The following PTPRH variants were observed in gnomAD, a reference collection of about 807,000 sequenced individuals.
PTPRH encodes protein tyrosine phosphatase receptor type H.
Under a neutral mutation model 130.2 loss-of-function variants are expected in PTPRH, and 113 were observed. The ratio of observed to expected loss-of-function variants is 0.87; its 90% confidence interval spans 0.75 to 1.01. The LOEUF (loss-of-function observed/expected upper bound fraction) is 1.01. PTPRH is among the 50% of genes least tolerant of loss of function. The pLI is 0.00. For missense variants in PTPRH, 1,430 were observed against 1,425.0 expected (o/e 1.00, Z -0.06); for synonymous variants, 556 against 577.9 (o/e 0.96, Z 0.54).
intron 14 of PTPRH, among the ~76,000 whole-genome samples, chr19:55,187,017 C>G (rs924877038): frequency 2.7e-4 from 41 of 150,062 alleles, no homozygotes; most frequent in Non-Finnish European, 5.8e-4. Flanking sequence ...TTCACTCCAG[C>G]CTGGGTGACA....
At chr19:55,190,718 C>T (rs2086510483) in intron 12 of PTPRH, among the ~76,000 whole-genome samples, 1 of 149,346 alleles carries the variant, frequency 6.7e-6, no homozygotes, top group Non-Finnish European at 1.5e-5. Context: ...GCAACCTCTG[C>T]TCCCGGGTTC....
rs567803141 is a variant in PTPRH at position 55,204,188 on chromosome 19, C to T, written c.620-140G>A. ...AGGCTGGAGTGCAGTGGCACGATCT[C>T]GGCTCACCACAGCCTCCGCCGTCCG... On this transcript the variant is annotated intron_variant, in intron 4 of 19. Coordinates refer to ENST00000376350, the MANE Select transcript of PTPRH (RefSeq NM_002842.5). The T allele has an allele frequency of 9.5e-6, 9 of 948,340 alleles. No individual in the cohort carries two copies. In the African/African-American group the frequency reaches 9.9e-5, roughly 10 times the overall value. 58.7% of individuals were successfully genotyped at this position (948,340 alleles called of 1,614,324 possible).
intron 14 of PTPRH, 104 bp from the exon 15 acceptor site, chr19:55,186,644 C>G (rs1197011711): frequency 2.3e-6 from 1 of 436,294 alleles, no homozygotes; most frequent in Non-Finnish European, 2.9e-6. Flanking sequence ...AAGACCAAGA[C>G]CCATGGACAA....
Position 55,181,748 on chromosome 19 carries a change from C to T in PTPRH, c.*6G>A, listed in dbSNP as rs145067481. ...GCCTGGGCTGCCGACCCAGCCCCCT[C>T]GTCACTTAGACCTCCAACTTGTGGG... On this transcript the variant is annotated 3_prime_UTR_variant, in exon 20 of 20. Transcript: ENST00000376350. 179 of 1,614,044 alleles carry T rather than the reference C, an allele frequency of 1.1e-4. No individual in the cohort carries two copies. The highest frequency in any genetic ancestry group is 1.0e-3 in the Middle Eastern group (6 of 5,984).
rs187108922 is a variant in PTPRH at position 55,187,147 on chromosome 19, C to T, written c.2566+366G>A. Among the ~76,000 whole-genome samples the T allele has an allele frequency of 5.8e-3, 871 of 150,844 alleles. 3 individuals are homozygous for T. The highest frequency in any genetic ancestry group is 9.8e-3 in the Non-Finnish European group (662 of 67,742). On this transcript the variant is annotated intron_variant, in intron 14 of 19. Transcript: ENST00000376350. ...GATCACAAGGTCAGGAGATCGAGAC[C>T]ATCCTGGCTAACACGGTGAAACCCT... is the stretch of plus-strand genomic sequence containing the variant.
At chr19:55,183,374 C>T (rs1323605932) in intron 18 of PTPRH, among the ~76,000 whole-genome samples, 1 of 150,582 alleles carries the variant, frequency 6.6e-6, no homozygotes, top group East Asian at 2.0e-4. Context: ...ACTGCACTCC[C>T]AGCCTGGGCG....
chr19:55,202,286 T>G lies in PTPRH; in HGVS notation c.923A>C (p.Gln308Pro). The G allele has an allele frequency of 6.2e-7, 1 of 1,614,234 alleles. No homozygotes were observed. Among genetic ancestry groups the G allele is most frequent in the Non-Finnish European group, 8.5e-7 (1 of 1,180,036 alleles). ...GGTCAGGGCGATGGAGCTGTTGGTC[T>G]GAGCCTCCACTGTCAGGTTTCTCAC... ...NPVRNLTVEA[Q>P]TNSSIALTWE... The change falls in exon 6 of 20, where the codon CAG (glutamine) becomes CCG (proline). Residue 308 changes from glutamine (Q) to proline (P), a missense_variant. By Grantham distance (76) the Gln-to-Pro change is moderately conservative. Coordinates refer to ENST00000376350, the MANE Select transcript of PTPRH (RefSeq NM_002842.5).
chr19:55,205,297 G>A, intron 4 of PTPRH, 29 bp downstream of exon 4: 1 of 1,613,382 alleles, frequency 6.2e-7, no homozygotes, highest in African/African-American at 1.3e-5. Context: ...AAACAAGTAA[G>A]AGCAAAACAA....
rs2086686811 is a variant in PTPRH, at chr19:55,196,595, T to G, written c.2184A>C (p.Pro728=). 6.2e-7 allele frequency: 1 copy of G among 1,613,662 alleles called. No individual in the cohort carries two copies. The highest frequency in any genetic ancestry group is 1.1e-5 in the South Asian group (1 of 91,054). ...CGTCCCAGATGGTCGTGATGGTGGC[T>G]GGGTAGGACCGAGCCGGCCCGAGAC... is the stretch of plus-strand genomic sequence containing the variant. ...VLGLGPARSY[P]ATITTIWDGM... The change falls in exon 10 of 20, where the codon CCA becomes CCC. Residue 728 remains proline, a synonymous_variant. Transcript: ENST00000376350.
intron 11 of PTPRH, 42 bp downstream of exon 11, chr19:55,191,621 A>C: frequency 6.2e-7 from 1 of 1,612,220 alleles, no homozygotes; most frequent in Non-Finnish European, 8.5e-7. Context: ...CTTCTTCTCC[A>C]GCCCCCACCC....
At chr19:55,206,491 TA>T (rs1555882294) in intron 3 of PTPRH, among the ~76,000 whole-genome samples, 197 bp downstream of exon 3, 1 of 142,100 alleles carries the variant, frequency 7.0e-6, no homozygotes, top group African/African-American at 2.7e-5. Flanking sequence ...AGCTACTTTT[TA>T]ATTTTTTTGT....
intron 18 of PTPRH, 101 bp from the exon 19 acceptor site, chr19:55,182,252 A>G: frequency 7.4e-7 from 1 of 1,348,926 alleles, no homozygotes; most frequent in Non-Finnish European, 1.0e-6. Context: ...GACAATAACT[A>G]TGCCTGCTCA....
chr19:55,190,781 C>T, intron 12 of PTPRH, among the ~76,000 whole-genome samples: 1 of 150,878 alleles, frequency 6.6e-6, no homozygotes, highest in Admixed American at 6.7e-5. Flanking sequence ...AGGCGTGAGC[C>T]ACCATGCCTG....
chr19:55,181,850 G>T lies in PTPRH; in HGVS notation c.3252C>A (p.Ala1084=), dbSNP rs780578895. 2.0e-5 allele frequency: 32 copies of T among 1,614,082 alleles called. No homozygotes were observed. The South Asian group carries it at 3.5e-4, about 18-fold the overall frequency. ...QCILRFLQQS[A]QAPAEKEVPY... Reference sequence around the variant, plus strand: ...GGACTTCCTTCTCGGCTGGGGCCTGGGCTGACTGTTGGAGGAACCGCAGGA... The same window carrying T: ...GGACTTCCTTCTCGGCTGGGGCCTGTGCTGACTGTTGGAGGAACCGCAGGA... The change falls in exon 20 of 20, where the codon GCC becomes GCA. Residue 1084 remains alanine (A), a synonymous_variant. Coordinates refer to ENST00000376350, the MANE Select transcript of PTPRH (RefSeq NM_002842.5).
At position 55,181,577 on chromosome 19, in the gene PTPRH, T is replaced by C. The variant is rs971725188; in HGVS notation, c.*177A>G. 3.7e-6 allele frequency: 3 copies of C among 802,490 alleles called. No homozygotes were observed. The highest frequency in any genetic ancestry group is 2.5e-5 in the East Asian group (1 of 39,652). The allele number at this position is 802,490 out of a possible 1,614,324, so 49.7% of individuals were successfully genotyped here. A position where few individuals can be genotyped will look rare whatever the true frequency, so the allele number is the denominator to read the frequency against. On this transcript the variant is annotated 3_prime_UTR_variant, in exon 20 of 20. Transcript: ENST00000376350. ...AGATCCCCAGCTCCCATAGGACTCA[T>C]CTGAAGCCCACCAGACCACTCTCTC...
Position 55,207,180 on chromosome 19 carries a change from C to T in PTPRH, c.71G>A (p.Gly24Glu). The T allele has an allele frequency of 6.2e-7, 1 of 1,613,448 alleles. No individual in the cohort carries two copies. The highest frequency in any genetic ancestry group is 8.5e-7 in the Non-Finnish European group (1 of 1,179,824). The stretch of plus-strand genomic sequence containing the variant: ...GGGTCACTCACCAGGCGCCCTGGCC[C>T]CTGTCCAGCTGCACAGGCCCTGGAG... ...LVLLGLCSWTGARAPAPNPGR... is the reference protein window; with the variant it reads ...LVLLGLCSWTEARAPAPNPGR... Residue 24 changes from glycine (G) to glutamate (E), a missense_variant, in exon 2 of 20, where the codon GGG becomes GAG. By Grantham distance (98) the Gly-to-Glu change is moderately conservative. Transcript: ENST00000376350.
chr19:55,204,137 C>A, intron 4 of PTPRH, 89 bp from the exon 5 acceptor site: 1 of 1,375,640 alleles, frequency 7.3e-7, no homozygotes, highest in South Asian at 1.4e-5. Flanking sequence ...TTTGTTTTTT[C>A]GAGACAGAGT....
intron 1 of PTPRH, 90 bp from the exon 2 acceptor site, chr19:55,207,289 G>T: frequency 7.1e-7 from 1 of 1,404,240 alleles, no homozygotes; most frequent in South Asian, 1.3e-5. Flanking sequence ...GCTGGTCCCC[G>T]CCCCATGAGT....
At chr19:55,198,383 G>A (rs1179327729) in intron 8 of PTPRH, among the ~76,000 whole-genome samples, 1 of 152,166 alleles carries the variant, frequency 6.6e-6, no homozygotes, top group Non-Finnish European at 1.5e-5. Flanking sequence ...CTGAGAGGTG[G>A]TGCTGGACAA....
Sources: gnomAD v4.1 joint callset for allele counts (sites outside exome capture counted in the v4.1 genomes callset) on GRCh38, gnomAD v4.1.1 for gene constraint, MANE v1.5 for transcripts, NCBI Gene and HGNC (gene_info 2026-07-23, HGNC 2026-07-21) for gene names.